Variants in PIP5K1B observed in about 807,000 individuals in gnomAD.
PIP5K1B encodes phosphatidylinositol-4-phosphate 5-kinase type 1 beta, also known as phosphatidylinositol 4-phosphate 5-kinase type-1 beta.
A neutral mutation model predicts 67.0 loss-of-function variants in PIP5K1B; 42 were observed. The ratio of observed to expected loss-of-function variants is 0.63; its 90% CI spans 0.49 to 0.81. The LOEUF (loss-of-function observed/expected upper bound fraction) is 0.81. Among genes scored for constraint, PIP5K1B ranks in the 30% least tolerant of loss-of-function variants. PIP5K1B has a pLI of 0.00. For missense variants in PIP5K1B, 459 were observed against 646.3 expected (o/e 0.71, Z 3.14); for synonymous variants, 214 against 231.4 (o/e 0.92, Z 0.68).
intron 4 of PIP5K1B, among the ~76,000 whole-genome samples, chr9:68,841,902 C>T (rs574058606): frequency 6.6e-6 from 1 of 152,282 alleles, no homozygotes; most frequent in Non-Finnish European, 1.5e-5. Context: ...CTGATAAAAC[C>T]GTTCTTTAAC....
At chr9:68,734,303 A>G (rs1828618340) in intron 1 of PIP5K1B, among the ~76,000 whole-genome samples, 1 of 152,222 alleles carries the variant, frequency 6.6e-6, no homozygotes, top group Non-Finnish European at 1.5e-5. Context: ...AGACACAACC[A>G]ACTGCCTGGG....
At chr9:68,780,492 G>A in intron 2 of PIP5K1B, 2 of 1,614,218 alleles carry the variant, frequency 1.2e-6, no homozygotes, top group Non-Finnish European at 1.7e-6. Context: ...GGTGCAGACC[G>A]CAATGCAGAT....
At chr9:68,714,791 A>T (rs964210527) in intron 1 of PIP5K1B, among the ~76,000 whole-genome samples, 1 of 152,186 alleles carries the variant, frequency 6.6e-6, no homozygotes, top group Non-Finnish European at 1.5e-5. Flanking sequence ...AAGGAACAGG[A>T]TGGAAACTCC....
At chr9:68,762,239 A>AT (rs527715870) in intron 2 of PIP5K1B, among the ~76,000 whole-genome samples, 1 of 151,814 alleles carries the variant, frequency 6.6e-6, no homozygotes, top group Non-Finnish European at 1.5e-5. Context: ...TCTAAGCTTA[A>AT]TTTTTTTTAT....
chr9:68,779,512 C>T (rs1049271584), intron 2 of PIP5K1B, among the ~76,000 whole-genome samples: 2 of 152,202 alleles, frequency 1.3e-5, no homozygotes, highest in Non-Finnish European at 2.9e-5. Context: ...TGCTGTTACA[C>T]CCATGCTTGA....
At chr9:68,781,430 A>C (rs769940512) in intron 2 of PIP5K1B, 26 of 177,808 alleles carry the variant, frequency 1.5e-4, no homozygotes, top group African/African-American at 6.0e-4. Context: ...TCATGCCCAC[A>C]CTAATTTTTA....
At chr9:68,728,200 A>G (rs1163934863) in intron 1 of PIP5K1B, among the ~76,000 whole-genome samples, 1 of 152,196 alleles carries the variant, frequency 6.6e-6, no homozygotes, top group African/African-American at 2.4e-5. Flanking sequence ...TTGAGTGATC[A>G]AGTAGCTTAA....
At chr9:68,918,338 C>T (rs1345897972) in intron 9 of PIP5K1B, among the ~76,000 whole-genome samples, 1 of 152,138 alleles carries the variant, frequency 6.6e-6, no homozygotes, top group Non-Finnish European at 1.5e-5. Context: ...GATCCACCTG[C>T]CTTGGCTTCC....
At chr9:68,730,478 G>A (rs1828369784) in intron 1 of PIP5K1B, among the ~76,000 whole-genome samples, 2 of 152,302 alleles carry the variant, frequency 1.3e-5, no homozygotes, top group Admixed American at 1.3e-4. Flanking sequence ...GTCAGCAGAT[G>A]AGATTTATTT....
chr9:68,983,408 C>T (rs1302140571), intron 14 of PIP5K1B, among the ~76,000 whole-genome samples: 3 of 151,936 alleles, frequency 2.0e-5, no homozygotes, highest in Non-Finnish European at 4.4e-5. Context: ...GGAGAGTTTG[C>T]TGTTTGGAGT....
At chr9:68,816,414 C>T (rs1171398292) in intron 2 of PIP5K1B, among the ~76,000 whole-genome samples, 1 of 152,150 alleles carries the variant, frequency 6.6e-6, no homozygotes, top group Non-Finnish European at 1.5e-5. Flanking sequence ...CAAGCGTGAG[C>T]CACTGCACCC....
chr9:68,850,921 G>A (rs1236440669), intron 4 of PIP5K1B, among the ~76,000 whole-genome samples: 3 of 152,126 alleles, frequency 2.0e-5, no homozygotes, highest in African/African-American at 4.8e-5. Flanking sequence ...TAATATTTCT[G>A]AAAGACTAAT....
intron 2 of PIP5K1B, among the ~76,000 whole-genome samples, chr9:68,800,358 C>G (rs1832535153): frequency 6.6e-6 from 1 of 152,216 alleles, no homozygotes; most frequent in Non-Finnish European, 1.5e-5. Flanking sequence ...CATCCAGCAT[C>G]TAGACAGGGC....
chr9:69,004,320 CGTGTGTGTGTGTGTTTTTGTGTGT>C (rs1830961258), intron 15 of PIP5K1B, among the ~76,000 whole-genome samples: 1 of 131,544 alleles, frequency 7.6e-6, no homozygotes, highest in South Asian at 2.7e-4. Flanking sequence ...CCTTTGTGGG[CGTGTGTGTGTGTGTTTTTGTGTGT>C]GTGTGTGTGT....
chr9:68,849,756 G>T (rs1822386204), intron 4 of PIP5K1B, among the ~76,000 whole-genome samples: 1 of 152,196 alleles, frequency 6.6e-6, no homozygotes, highest in South Asian at 2.1e-4. Context: ...GTTGACAGTA[G>T]TTAACCCTCA....
At chr9:69,005,493 T>C (rs1409438935) in intron 15 of PIP5K1B, among the ~76,000 whole-genome samples, 1 of 152,164 alleles carries the variant, frequency 6.6e-6, no homozygotes, top group Non-Finnish European at 1.5e-5. Flanking sequence ...GTTCAAGCAA[T>C]ACTCCTCCAA....
At chr9:69,003,745 T>G (rs1000694533) in intron 15 of PIP5K1B, among the ~76,000 whole-genome samples, 2 of 152,170 alleles carry the variant, frequency 1.3e-5, no homozygotes, top group African/African-American at 2.4e-5. Flanking sequence ...GAAAAAAGTT[T>G]CTTGGAAAAG....
At chr9:68,892,725 C>T (rs1824861323) in intron 7 of PIP5K1B, among the ~76,000 whole-genome samples, 1 of 151,938 alleles carries the variant, frequency 6.6e-6, no homozygotes, top group South Asian at 2.1e-4. Context: ...AAAAAGCAAA[C>T]ACACACACAC....
chr9:68,853,526 T>C (rs1279836048), intron 4 of PIP5K1B, among the ~76,000 whole-genome samples: 1 of 152,098 alleles, frequency 6.6e-6, no homozygotes, highest in Non-Finnish European at 1.5e-5. Context: ...GAGGATGCAA[T>C]AGACTATAGT....
Sources: gnomAD v4.1 joint callset for allele counts (sites outside exome capture counted in the v4.1 genomes callset) on GRCh38, gnomAD v4.1.1 for gene constraint, MANE v1.5 for transcripts, NCBI Gene and HGNC (gene_info 2026-07-23, HGNC 2026-07-21) for gene names.